Variants in CUX1 observed in about 807,000 individuals in gnomAD.
CUX1 encodes protein CASP.
In CUX1, 31 loss-of-function variants were observed where a neutral mutation model predicts 158.8. The observed-to-expected ratio is 0.20, with a 90% confidence interval of 0.15 to 0.26. The LOEUF is 0.26. Ranked by LOEUF, CUX1 falls within the 10% of genes least tolerant of loss-of-function variation. The probability of loss-of-function intolerance (pLI) is 1.00; values close to 1 mark genes in which losing one functional copy is unlikely to be tolerated. For synonymous variants in CUX1, 879 were observed against 862.1 expected (o/e 1.02, Z -0.34); for missense variants, 1,589 against 2,014.6 (o/e 0.79, Z 4.04).
intron 1 of CUX1, among the ~76,000 whole-genome samples, chr7:101,881,915 C>T (rs1799747851): frequency 6.6e-6 from 1 of 152,034 alleles, no homozygotes. Context: ...CAGTGGCTCA[C>T]ACCTGTCATC....
At chr7:101,924,396 G>A (rs1404247702) in intron 2 of CUX1, among the ~76,000 whole-genome samples, 1 of 152,042 alleles carries the variant, frequency 6.6e-6, no homozygotes, top group Non-Finnish European at 1.5e-5. Flanking sequence ...CAGTGGACAC[G>A]TGGTGCACAG....
At chr7:102,022,936 C>T (rs1019199014) in intron 2 of CUX1, among the ~76,000 whole-genome samples, 5 of 152,088 alleles carry the variant, frequency 3.3e-5, no homozygotes, top group African/African-American at 4.8e-5. Context: ...AAAACATGGC[C>T]GGGTGCAGTG....
At chr7:102,058,381 C>G (rs768769668) in intron 3 of CUX1, among the ~76,000 whole-genome samples, 6 of 152,190 alleles carry the variant, frequency 3.9e-5, no homozygotes, top group Non-Finnish European at 8.8e-5. Context: ...TCAAGCGATT[C>G]TCATGCCTCA....
Position 101,869,933 on chromosome 7 carries a change from G to A in CUX1, c.31-46182G>A, listed in dbSNP as rs372922943. ...TCTGCCATCCCCTTCCAGGTGCCCCGCAGAACCACCACCCTTGGGAAGGCG... is the reference window on the plus strand; with the variant it reads ...TCTGCCATCCCCTTCCAGGTGCCCCACAGAACCACCACCCTTGGGAAGGCG... On this transcript the variant is annotated intron_variant, in intron 1 of 23. Transcript: ENST00000292535. The surrounding 1 kb of genome is among the most constrained non-coding windows in gnomAD (Gnocchi z 4.5). Among the ~76,000 whole-genome samples, 2 of 151,956 alleles carry A rather than the reference G, an allele frequency of 1.3e-5. No homozygotes were observed. The highest frequency in any genetic ancestry group is 2.9e-5 in the Non-Finnish European group (2 of 68,010).
At chr7:101,955,533 C>T (rs931479725) in intron 2 of CUX1, among the ~76,000 whole-genome samples, 8 of 152,294 alleles carry the variant, frequency 5.3e-5, no homozygotes, top group East Asian at 1.9e-4. Context: ...GCCTGACCTC[C>T]GCACCTACCC....
At chr7:101,966,729 G>A (rs1239922370) in intron 2 of CUX1, among the ~76,000 whole-genome samples, 6 of 152,134 alleles carry the variant, frequency 3.9e-5, no homozygotes, top group Admixed American at 3.9e-4. Context: ...TCAGAGGTGT[G>A]TGCTTCTTGA....
intron 2 of CUX1, among the ~76,000 whole-genome samples, chr7:101,989,003 AT>A (rs964549875): frequency 6.6e-5 from 9 of 137,386 alleles, no homozygotes; most frequent in African/African-American, 1.6e-4. Flanking sequence ...CAAAAAAAAA[AT>A]AATAATAATA....
intron 1 of CUX1, among the ~76,000 whole-genome samples, chr7:101,858,368 G>A (rs1221886295): frequency 6.6e-6 from 1 of 152,128 alleles, no homozygotes; most frequent in Non-Finnish European, 1.5e-5. Flanking sequence ...ACTTTCTTAG[G>A]TCTCAGCTCA....
chr7:101,856,635 T>C lies in CUX1; in HGVS notation c.30+38966T>C, dbSNP rs544404572. ...TTGTGGTTAGTGACTTCAAAAGCTG[T>C]CCTCACTAGAGCAAGTCCAACTCTT... On this transcript the variant is annotated intron_variant, in intron 1 of 23. Coordinates refer to ENST00000292535, the MANE Select transcript of CUX1 (RefSeq NM_181552.4). 2.6e-5 allele frequency among the ~76,000 whole-genome samples: 4 copies of C among 152,280 alleles called. No homozygotes were observed. The East Asian group carries it at 7.7e-4, about 29-fold the overall frequency.
intron 8 of CUX1, among the ~76,000 whole-genome samples, chr7:102,130,597 C>G (rs1309325467): frequency 1.3e-5 from 2 of 151,972 alleles, no homozygotes; most frequent in African/African-American, 4.8e-5. Context: ...AGGAGAATCG[C>G]TTGAACCCAG....
intron 3 of CUX1, among the ~76,000 whole-genome samples, chr7:102,061,359 T>A (rs1463559649): frequency 2.6e-5 from 4 of 152,150 alleles, no homozygotes; most frequent in Non-Finnish European, 5.9e-5. Flanking sequence ...CCAGCCCCAG[T>A]GCGCAATGCT....
intron 2 of CUX1, among the ~76,000 whole-genome samples, chr7:101,919,140 G>T (rs1804581620): frequency 6.6e-6 from 1 of 152,156 alleles, no homozygotes; most frequent in African/African-American, 2.4e-5. Context: ...GGGGGCTGTG[G>T]CCGGAGTGTG....
At chr7:101,993,751 T>G (rs1266995630) in intron 2 of CUX1, among the ~76,000 whole-genome samples, 2 of 152,182 alleles carry the variant, frequency 1.3e-5, no homozygotes, top group Non-Finnish European at 2.9e-5. Context: ...TCCCAGCCTC[T>G]TCCATCTAAT....
intron 2 of CUX1, among the ~76,000 whole-genome samples, chr7:101,967,821 G>A (rs960888609): frequency 6.6e-5 from 10 of 152,214 alleles, no homozygotes; most frequent in African/African-American, 1.7e-4. Context: ...GGGCCAGGAC[G>A]TCTGTAAGGT....
At chr7:101,903,608 G>C (rs147383725) in intron 1 of CUX1, among the ~76,000 whole-genome samples, 2 of 152,122 alleles carry the variant, frequency 1.3e-5, no homozygotes, top group African/African-American at 2.4e-5. Context: ...AGCCCTTCTC[G>C]TTAGGGCTGA....
At chr7:101,842,448 C>T (rs1046319009) in intron 1 of CUX1, among the ~76,000 whole-genome samples, 9 of 152,148 alleles carry the variant, frequency 5.9e-5, no homozygotes, top group Admixed American at 4.6e-4. Context: ...CACGCAGTGG[C>T]GTGATCTCTG....
chr7:102,221,158 G>A (rs776787445), intron 20 of CUX1, among the ~76,000 whole-genome samples: 60 of 152,120 alleles, frequency 3.9e-4, no homozygotes, highest in Non-Finnish European at 6.8e-4. Flanking sequence ...GCTCAAAGCC[G>A]AAACCATGGA....
chr7:102,205,240 T>A (rs1795832046), intron 20 of CUX1, 70 bp downstream of exon 20: 1 of 1,211,062 alleles, frequency 8.3e-7, no homozygotes, highest in Admixed American at 1.7e-5. Flanking sequence ...CGTGCTGTGG[T>A]CTGTCCCGGC....
intron 8 of CUX1, among the ~76,000 whole-genome samples, chr7:102,122,032 T>C (rs1554493655): frequency 6.6e-6 from 1 of 152,164 alleles, no homozygotes; most frequent in East Asian, 1.9e-4. Context: ...CTCACAGAAC[T>C]GGGGCCAGGT....
Sources: gnomAD v4.1 joint callset for allele counts (sites outside exome capture counted in the v4.1 genomes callset) on GRCh38, gnomAD v4.1.1 for gene constraint, Gnocchi (gnomAD v3.1) non-coding constraint, MANE v1.5 for transcripts, NCBI Gene and HGNC (gene_info 2026-07-23, HGNC 2026-07-21) for gene names.